SLC9B1: variants seen among roughly 807,000 people sequenced by gnomAD.
SLC9B1 encodes solute carrier family 9 member B1.
SLC9B1 carries 32 observed loss-of-function variants against 51.7 expected under a neutral mutation model. That is an observed-to-expected ratio of 0.62 (90% CI 0.47 to 0.83). The LOEUF (loss-of-function observed/expected upper bound fraction) is 0.83, where lower values mean the gene tolerates loss of function less well. Among genes scored for constraint, SLC9B1 ranks in the 40% least tolerant of loss-of-function variants. The probability of loss-of-function intolerance (pLI) is 0.00; values close to 1 mark genes in which losing one functional copy is unlikely to be tolerated. For synonymous variants in SLC9B1, 145 were observed against 212.7 expected (o/e 0.68, Z 2.77); for missense variants, 406 against 613.2 (o/e 0.66, Z 3.57).
At chr4:102,986,544 T>C (rs1425457302) in intron 3 of SLC9B1, among the ~76,000 whole-genome samples, 1 of 152,224 alleles carries the variant, frequency 6.6e-6, no homozygotes, top group East Asian at 1.9e-4. Context: ...CTAGTCATTA[T>C]GGCTTCAATT....
At chr4:102,980,844 C>T (rs1739316470) in intron 3 of SLC9B1, among the ~76,000 whole-genome samples, 1 of 152,198 alleles carries the variant, frequency 6.6e-6, no homozygotes, top group Non-Finnish European at 1.5e-5. Flanking sequence ...TATATTAACA[C>T]ATCATGGTCA....
chr4:102,905,297 T>C (rs539439530), intron 11 of SLC9B1, among the ~76,000 whole-genome samples: 8 of 152,252 alleles, frequency 5.3e-5, no homozygotes, highest in South Asian at 4.1e-4. Flanking sequence ...CTCAGCTTAC[T>C]GCAACCTCCG....
At chr4:102,908,587 TAAAC>T (rs1295824267) in intron 9 of SLC9B1, among the ~76,000 whole-genome samples, 1 of 152,070 alleles carries the variant, frequency 6.6e-6, no homozygotes, top group Non-Finnish European at 1.5e-5. Flanking sequence ...AAAAACAAAT[TAAAC>T]AAACAAAAAC....
At chr4:102,980,985 T>C (rs1403655628) in intron 3 of SLC9B1, among the ~76,000 whole-genome samples, 2 of 152,164 alleles carry the variant, frequency 1.3e-5, no homozygotes, top group East Asian at 3.9e-4. Flanking sequence ...AAAAATCCTC[T>C]GGGCTCTGCC....
chr4:102,893,298 A>AAAAAAAAAAAAAAG, intron 11 of SLC9B1, among the ~76,000 whole-genome samples: 1 of 147,952 alleles, frequency 6.8e-6, no homozygotes, highest in South Asian at 2.1e-4. Flanking sequence ...AAAAAAAAAA[A>AAAAAAAAAAAAAAG]AAAAAAAGAA....
At chr4:102,924,983 A>G (rs1185385111) in intron 7 of SLC9B1, among the ~76,000 whole-genome samples, 1 of 152,140 alleles carries the variant, frequency 6.6e-6, no homozygotes, top group East Asian at 1.9e-4. Context: ...CAATCATTGT[A>G]GAAGACAGTG....
intron 7 of SLC9B1, among the ~76,000 whole-genome samples, chr4:102,916,643 A>G (rs1236760212): frequency 6.6e-6 from 1 of 152,224 alleles, no homozygotes; most frequent in African/African-American, 2.4e-5. Context: ...TTTCTTCTCA[A>G]GTACATACCA....
chr4:103,013,798 A>T (rs1741192852), intron 1 of SLC9B1, among the ~76,000 whole-genome samples: 1 of 152,218 alleles, frequency 6.6e-6, no homozygotes, highest in South Asian at 2.1e-4. Flanking sequence ...TATCTGCTAA[A>T]ATCAAGTGAA....
At chr4:102,909,718 G>T (rs200107369) in intron 9 of SLC9B1, among the ~76,000 whole-genome samples, 3,010 of 86,044 alleles carry the variant, frequency 0.035, no homozygotes, top group South Asian at 0.045. Context: ...AAATGTAAGG[G>T]GGTTTGATAT....
At chr4:102,966,829 C>T (rs1406300971) in intron 3 of SLC9B1, among the ~76,000 whole-genome samples, 1 of 152,178 alleles carries the variant, frequency 6.6e-6, no homozygotes, top group Non-Finnish European at 1.5e-5. Flanking sequence ...TACCACATGG[C>T]CAGGCTATTA....
intron 9 of SLC9B1, among the ~76,000 whole-genome samples, chr4:102,907,719 G>A (rs1735122807): frequency 6.6e-6 from 1 of 151,852 alleles, no homozygotes; most frequent in African/African-American, 2.4e-5. Context: ...GAACTTTGAT[G>A]TCTCTTCCTT....
intron 9 of SLC9B1, among the ~76,000 whole-genome samples, chr4:102,909,097 C>T (rs1219686640): frequency 6.6e-6 from 1 of 152,044 alleles, no homozygotes. Flanking sequence ...TATTTTTGTG[C>T]ACTGTTGGCA....
At chr4:102,963,926 A>G (rs1301719538) in intron 3 of SLC9B1, among the ~76,000 whole-genome samples, 2 of 152,184 alleles carry the variant, frequency 1.3e-5, no homozygotes. Flanking sequence ...CCAAGCCAAA[A>G]GTAAGTAGGA....
In SLC9B1 at chr4:102,911,433, G is replaced by C. The variant is rs1440376880; in HGVS notation, c.934C>G (p.Gln312Glu). 1.3e-6 allele frequency: 2 copies of C among 1,583,656 alleles called. No homozygotes were observed. The highest frequency in any genetic ancestry group is 1.7e-6 in the Non-Finnish European group (2 of 1,167,662). Residue 312 changes from glutamine (Q) to glutamate (E), a missense_variant and splice_region_variant, in exon 8 of 12, where the codon CAG becomes GAG. Gln to Glu is a conservative substitution (Grantham distance 29, BLOSUM62 2). Coordinates refer to ENST00000296422, the MANE Select transcript of SLC9B1 (RefSeq NM_139173.4). ...FFVRYFPSED[Q>E]KKLTLKRGFL... is the part of the protein sequence containing the mutation. Reference sequence around the variant, plus strand: ...TATAAAATAGATTTTGTATTTACCTGGTCTTCACTTGGAAAATATCGAACA... The same window carrying C: ...TATAAAATAGATTTTGTATTTACCTCGTCTTCACTTGGAAAATATCGAACA...
chr4:103,010,041 G>C (rs1214424890), intron 1 of SLC9B1, among the ~76,000 whole-genome samples: 1 of 152,072 alleles, frequency 6.6e-6, no homozygotes, highest in Non-Finnish European at 1.5e-5. Context: ...TAGTATTTAG[G>C]ATTTGATCTC....
At chr4:102,908,223 T>C (rs557150827) in intron 9 of SLC9B1, among the ~76,000 whole-genome samples, 1 of 152,410 alleles carries the variant, frequency 6.6e-6, no homozygotes, top group African/African-American at 2.4e-5. Context: ...TGGGAGAATT[T>C]AGTTCATGTT....
At chr4:102,914,454 T>C (rs1735489566) in intron 7 of SLC9B1, among the ~76,000 whole-genome samples, 1 of 152,088 alleles carries the variant, frequency 6.6e-6, no homozygotes, top group African/African-American at 2.4e-5. Flanking sequence ...ATGGCTATTA[T>C]CAACTTTGTT....
chr4:102,969,762 A>G (rs1285690188), intron 3 of SLC9B1, among the ~76,000 whole-genome samples: 1 of 152,236 alleles, frequency 6.6e-6, no homozygotes, highest in African/African-American at 2.4e-5. Flanking sequence ...ATGAATGGCT[A>G]ACTAGAATAA....
chr4:102,929,685 TA>T (rs1736357262), intron 7 of SLC9B1, among the ~76,000 whole-genome samples: 1 of 152,212 alleles, frequency 6.6e-6, no homozygotes. Flanking sequence ...CACACCCAGC[TA>T]ACTTTTTGTA....
Sources: allele counts gnomAD v4.1 joint callset (sites outside exome capture counted in the v4.1 genomes callset), GRCh38; gene constraint gnomAD v4.1.1; transcripts MANE v1.5; gene names NCBI Gene and HGNC (gene_info 2026-07-23, HGNC 2026-07-21).